PCDHB1: variants seen among roughly 807,000 people sequenced by gnomAD.
PCDHB1 encodes protocadherin beta-1.
In PCDHB1, 44 loss-of-function variants were observed where a neutral mutation model predicts 43.5. The ratio of observed to expected loss-of-function variants is 1.01; its 90% CI spans 0.79 to 1.30. The LOEUF (loss-of-function observed/expected upper bound fraction) is 1.30. Ranked by LOEUF, PCDHB1 falls within the 50% of genes most tolerant of loss-of-function variation. The pLI, the probability that PCDHB1 is intolerant of heterozygous loss-of-function variation, is 0.00. For synonymous variants in PCDHB1, 392 were observed against 400.8 expected, an observed-to-expected ratio of 0.98 and a Z score of 0.26; for missense variants, 919 against 1,008.9, an observed-to-expected ratio of 0.91 and a Z score of 1.21.
At position 141,051,864 on chromosome 5, in the gene PCDHB1, G is replaced by A; in HGVS notation, c.394G>A (p.Val132Ile). ...RVFDINDNAP[V>I]FLNKEPLLKI... ...ATTTGATATCAATGACAATGCCCCA[G>A]TTTTCCTAAACAAGGAGCCGCTTTT... Residue 132 changes from valine to isoleucine, a missense_variant, in exon 1 of 1, where the codon GTT becomes ATT. Physicochemically the swap from Val to Ile is conservative, Grantham distance 29 (BLOSUM62 3). Coordinates refer to ENST00000306549, the MANE Select transcript of PCDHB1 (RefSeq NM_013340.4). 6.2e-7 allele frequency: 1 copy of A among 1,614,206 alleles called. No individual in the cohort carries two copies. The highest frequency in any genetic ancestry group is 8.5e-7 in the Non-Finnish European group (1 of 1,180,030).
chr5:141,054,746 T>G lies in PCDHB1; in HGVS notation c.*819T>G, dbSNP rs1420103247. The G allele has an allele frequency of 3.0e-5, 4 of 134,692 alleles. No homozygotes were observed. Among genetic ancestry groups the G allele is most frequent in the African/African-American group, 1.1e-4 (4 of 34,832 alleles). 8.3% of individuals were successfully genotyped at this position (134,692 alleles called of 1,614,324 possible). A position where few individuals can be genotyped will look rare whatever the true frequency, so the allele number is the denominator to read the frequency against. ...TTTTCTCTTGTTGCCCAGACTGGAG[T>G]GCAATGGCACGATCTCGGCTCACTG... On this transcript the variant is annotated 3_prime_UTR_variant, in exon 1 of 1. Coordinates refer to ENST00000306549, the MANE Select transcript of PCDHB1 (RefSeq NM_013340.4).
In PCDHB1 at chr5:141,056,580, A is replaced by G. The variant is rs1751137347; in HGVS notation, c.*2653A>G. ...ATGCTGAAATTTCTATTTCCTTTAAATGAAAAAGGAGATAGAATTTTTATT... is the reference window on the plus strand; with the variant it reads ...ATGCTGAAATTTCTATTTCCTTTAAGTGAAAAAGGAGATAGAATTTTTATT... On this transcript the variant is annotated 3_prime_UTR_variant, in exon 1 of 1. Coordinates refer to ENST00000306549, the MANE Select transcript of PCDHB1 (RefSeq NM_013340.4). 6.6e-6 allele frequency: 1 copy of G among 152,128 alleles called. No homozygotes were observed. The highest frequency in any genetic ancestry group is 2.4e-5 in the African/African-American group (1 of 41,430). The allele number at this position is 152,128 out of a possible 1,614,324, so 9.4% of individuals were successfully genotyped here. A position where few individuals can be genotyped will look rare whatever the true frequency, so the allele number is the denominator to read the frequency against.
chr5:141,052,032 G>C lies in PCDHB1; in HGVS notation c.562G>C (p.Gly188Arg), dbSNP rs1393387353. 13 of 1,613,998 alleles carry C rather than the reference G, an allele frequency of 8.1e-6. No homozygotes were observed. Among genetic ancestry groups the C allele is most frequent in the Non-Finnish European group, 1.0e-5 (12 of 1,180,032 alleles). The change falls in exon 1 of 1, where the codon GGG becomes CGG. Residue 188 changes from glycine to arginine, a missense_variant. Transcript: ENST00000306549. ...FHLHTRFCSHGPKYAELVLNK... is the reference protein window; with the variant it reads ...FHLHTRFCSHRPKYAELVLNK... ...CCTGCACACCCGCTTCTGCAGCCAC[G>C]GGCCTAAATATGCTGAGCTGGTGCT... is the stretch of plus-strand genomic sequence containing the variant.
chr5:141,051,559 C>T lies in PCDHB1; in HGVS notation c.89C>T (p.Thr30Ile), dbSNP rs1750967846. Residue 30 changes from threonine (T) to isoleucine (I), a missense_variant, in exon 1 of 1, where the codon ACT (threonine) becomes ATT (isoleucine). Physicochemically the swap from Thr to Ile is moderately conservative, Grantham distance 89. Coordinates refer to ENST00000306549, the MANE Select transcript of PCDHB1 (RefSeq NM_013340.4). ...FLCISVGDAT[T>I]IRYSVAEEME... ...TGCATATCTGTGGGGGATGCGACAA[C>T]TATCCGCTATTCAGTGGCAGAGGAA... 4 of 1,614,236 alleles carry T rather than the reference C, an allele frequency of 2.5e-6. No individual in the cohort carries two copies. In the African/African-American group the frequency reaches 5.3e-5, roughly 22 times the overall value.
chr5:141,051,683 C>T lies in PCDHB1; in HGVS notation c.213C>T (p.Asn71=), dbSNP rs782194168. ...GGGCGCGGCTGGTTTCCGAGGGCAA[C>T]AAAATGCATTTCCGGCTCCACCGCA... ...ARGARLVSEG[N]KMHFRLHRKT... is the part of the protein sequence containing the mutation. The change falls in exon 1 of 1, where the codon AAC becomes AAT. Residue 71 remains asparagine (N), a synonymous_variant. Transcript: ENST00000306549. The T allele has an allele frequency of 1.2e-6, 2 of 1,614,110 alleles. No homozygotes were observed. The highest frequency in any genetic ancestry group is 1.7e-6 in the Non-Finnish European group (2 of 1,180,012).
rs782092387 is a variant in PCDHB1 at position 141,054,684 on chromosome 5, GTTTTTTTTTTTTTTTT to G, written c.*768_*783del. On this transcript the variant is annotated 3_prime_UTR_variant, in exon 1 of 1. Coordinates refer to ENST00000306549, the MANE Select transcript of PCDHB1 (RefSeq NM_013340.4). Reference sequence around the variant, plus strand: ...CTCCAAAATTAAATTAGATGTAGTTGTTTTTTTTTTTTTTTTTTTTTTTTTTGAGACGGAGTTTTTC... The same window carrying G: ...CTCCAAAATTAAATTAGATGTAGTTGTTTTTTTTTTGAGACGGAGTTTTTC... The G allele has an allele frequency of 1.5e-5, 1 of 68,862 alleles. No individual in the cohort carries two copies. The highest frequency in any genetic ancestry group is 6.7e-4 in the South Asian group (1 of 1,482). The allele number at this position is 68,862 out of a possible 1,614,324, so 4.3% of individuals were successfully genotyped here.
chr5:141,052,236 C>T lies in PCDHB1; in HGVS notation c.766C>T (p.Pro256Ser). Residue 256 changes from proline to serine, a missense_variant, in exon 1 of 1, where the codon CCC becomes TCC. Transcript: ENST00000306549. ...CAGAGCCCAGGTATCAGAGAACAGCCCCAATGGCTCTTTGGTGGCCACGGT... is the reference window on the plus strand; with the variant it reads ...CAGAGCCCAGGTATCAGAGAACAGCTCCAATGGCTCTTTGGTGGCCACGGT... Reference protein sequence around the residue: ...VYRAQVSENSPNGSLVATVTA... With the variant: ...VYRAQVSENSSNGSLVATVTA... The T allele has an allele frequency of 6.2e-7, 1 of 1,614,152 alleles. No individual in the cohort carries two copies. Among genetic ancestry groups the T allele is most frequent in the Non-Finnish European group, 8.5e-7 (1 of 1,180,024 alleles).
chr5:141,055,558 T>TA lies in PCDHB1; in HGVS notation c.*1632dup, dbSNP rs1271885329. The TA allele has an allele frequency of 6.6e-6, 1 of 152,260 alleles. No individual in the cohort carries two copies. Among genetic ancestry groups the TA allele is most frequent in the Non-Finnish European group, 1.5e-5 (1 of 68,040 alleles). 9.4% of individuals were successfully genotyped at this position (152,260 alleles called of 1,614,324 possible). ...TTATTGTAAACCATTTTGTAGTTTGTAGAGCAAATATAAAATAAAAAGACA... is the reference window on the plus strand; with the variant it reads ...TTATTGTAAACCATTTTGTAGTTTGTAAGAGCAAATATAAAATAAAAAGACA... On this transcript the variant is annotated 3_prime_UTR_variant, in exon 1 of 1. Transcript: ENST00000306549.
rs1444629236 is a variant in PCDHB1, at chr5:141,058,186, T to C, written c.*4259T>C. ...CAAATTTAACAGTTTTCCCCCAATG[T>C]CCTTTTTCTATTCAAGGATCCAATC... On this transcript the variant is annotated 3_prime_UTR_variant, in exon 1 of 1. Coordinates refer to ENST00000306549, the MANE Select transcript of PCDHB1 (RefSeq NM_013340.4). 2 of 152,302 alleles carry C rather than the reference T, an allele frequency of 1.3e-5. No homozygotes were observed. The highest frequency in any genetic ancestry group is 3.9e-4 in the East Asian group (2 of 5,186). 9.4% of individuals were successfully genotyped at this position (152,302 alleles called of 1,614,324 possible). A position where few individuals can be genotyped will look rare whatever the true frequency, so the allele number is the denominator to read the frequency against.
Position 141,051,913 on chromosome 5 carries a change from T to A in PCDHB1, c.443T>A (p.Leu148Ter). ...PLLKIPESTPLGSRFPLQSAQ... is the reference protein window; with the variant it reads ...PLLKIPESTP ...TTAAAGATTCCGGAGAGCACCCCTT[T>A]GGGTTCACGTTTTCCTCTGCAGAGC... is the stretch of plus-strand genomic sequence containing the variant. The change falls in exon 1 of 1, where the codon TTG (leucine) becomes TAG (stop). Residue 148 changes from leucine (L) to a stop codon, truncating the protein, a stop_gained. Transcript: ENST00000306549. LOFTEE classifies it high-confidence loss of function. 1.9e-6 allele frequency: 3 copies of A among 1,614,178 alleles called. No homozygotes were observed. The East Asian group carries it at 6.7e-5, about 36-fold the overall frequency.
At position 141,058,979 on chromosome 5, in the gene PCDHB1, T is replaced by A. The variant is rs1472173094; in HGVS notation, c.*5052T>A. 1 of 152,174 alleles carries A rather than the reference T, an allele frequency of 6.6e-6. No homozygotes were observed. The highest frequency in any genetic ancestry group is 1.5e-5 in the Non-Finnish European group (1 of 67,994). The allele number at this position is 152,174 out of a possible 1,614,324, so 9.4% of individuals were successfully genotyped here. A position where few individuals can be genotyped will look rare whatever the true frequency, so the allele number is the denominator to read the frequency against. ...TTTATCTGAGATGAAGAGCAGATTTTTAAGACTGGAATTATCCATATAGAA... is the reference window on the plus strand; with the variant it reads ...TTTATCTGAGATGAAGAGCAGATTTATAAGACTGGAATTATCCATATAGAA... On this transcript the variant is annotated 3_prime_UTR_variant, in exon 1 of 1. Transcript: ENST00000306549.
In PCDHB1 at chr5:141,053,759, T is replaced by C. The variant is rs782797033; in HGVS notation, c.2289T>C (p.Thr763=). 2.5e-6 allele frequency: 4 copies of C among 1,614,218 alleles called. No individual in the cohort carries two copies. The East Asian group carries it at 8.9e-5, about 36-fold the overall frequency. The change falls in exon 1 of 1, where the codon ACT becomes ACC. Residue 763 remains threonine (T), a synonymous_variant. Coordinates refer to ENST00000306549, the MANE Select transcript of PCDHB1 (RefSeq NM_013340.4). ...CPYEMCSATG[T]GNSEFRFLKR... is the part of the protein sequence containing the mutation. ...ATGAAATGTGTTCAGCCACTGGCACTGGTAATAGTGAGTTTCGCTTTCTTA... is the reference window on the plus strand; with the variant it reads ...ATGAAATGTGTTCAGCCACTGGCACCGGTAATAGTGAGTTTCGCTTTCTTA...
rs1554267223 is a variant in PCDHB1, at chr5:141,052,370, A to C, written c.900A>C (p.Glu300Asp). The change falls in exon 1 of 1, where the codon GAA becomes GAC. Residue 300 changes from glutamate to aspartate, a missense_variant. Coordinates refer to ENST00000306549, the MANE Select transcript of PCDHB1 (RefSeq NM_013340.4). ...TTCAGATTGACCCTCAAAATGGAGA[A>C]GTTCGACTAAGAGGACCCCTCGATT... The part of the protein sequence containing the change: ...KTFQIDPQNG[E>D]VRLRGPLDFE... 1 of 1,614,248 alleles carries C rather than the reference A, an allele frequency of 6.2e-7. No homozygotes were observed.
At position 141,051,683 on chromosome 5, in the gene PCDHB1, C is replaced by A; in HGVS notation, c.213C>A (p.Asn71Lys). 6.2e-7 allele frequency: 1 copy of A among 1,614,110 alleles called. No individual in the cohort carries two copies. The highest frequency in any genetic ancestry group is 8.5e-7 in the Non-Finnish European group (1 of 1,180,012). ...GGGCGCGGCTGGTTTCCGAGGGCAA[C>A]AAAATGCATTTCCGGCTCCACCGCA... ...ARGARLVSEG[N>K]KMHFRLHRKT... Residue 71 changes from asparagine (N) to lysine (K), a missense_variant, in exon 1 of 1, where the codon AAC becomes AAA. Asn to Lys is a moderately conservative substitution (Grantham distance 94). Coordinates refer to ENST00000306549, the MANE Select transcript of PCDHB1 (RefSeq NM_013340.4).
Position 141,057,196 on chromosome 5 carries a change from C to T in PCDHB1, c.*3269C>T, listed in dbSNP as rs1365189312. 1.3e-5 allele frequency: 2 copies of T among 152,060 alleles called. No homozygotes were observed. The highest frequency in any genetic ancestry group is 2.9e-5 in the Non-Finnish European group (2 of 68,002). 9.4% of individuals were successfully genotyped at this position (152,060 alleles called of 1,614,324 possible). ...TTTTTCACATTAAATGAGATAAAAT[C>T]TACCACTTCACGCCACCATTATTCC... On this transcript the variant is annotated 3_prime_UTR_variant, in exon 1 of 1. Transcript: ENST00000306549.
Position 141,053,805 on chromosome 5 carries a change from C to A in PCDHB1, c.2335C>A (p.Pro779Thr), listed in dbSNP as rs782173555. ...RFLKRFMPNF[P>T]FPHATGEIKM... ...TCTTAAGCGTTTTATGCCCAACTTC[C>A]CTTTCCCTCATGCCACTGGGGAGAT... Residue 779 changes from proline (P) to threonine (T), a missense_variant, in exon 1 of 1, where the codon CCT (proline) becomes ACT (threonine). By Grantham distance (38) the Pro-to-Thr change is conservative (BLOSUM62 -1). Coordinates refer to ENST00000306549, the MANE Select transcript of PCDHB1 (RefSeq NM_013340.4). 1 of 1,614,156 alleles carries A rather than the reference C, an allele frequency of 6.2e-7. No individual in the cohort carries two copies. Among genetic ancestry groups the A allele is most frequent in the South Asian group, 1.1e-5 (1 of 91,086 alleles).
chr5:141,051,918 T>G lies in PCDHB1; in HGVS notation c.448T>G (p.Ser150Ala), dbSNP rs782466746. The stretch of plus-strand genomic sequence containing the variant: ...GATTCCGGAGAGCACCCCTTTGGGT[T>G]CACGTTTTCCTCTGCAGAGCGCCCA... ...LKIPESTPLG[S>A]RFPLQSAQDL... Residue 150 changes from serine to alanine, a missense_variant, in exon 1 of 1, where the codon TCA becomes GCA. By Grantham distance (99) the Ser-to-Ala change is moderately conservative (BLOSUM62 1). Coordinates refer to ENST00000306549, the MANE Select transcript of PCDHB1 (RefSeq NM_013340.4). The G allele has an allele frequency of 4.3e-6, 7 of 1,614,026 alleles. No individual in the cohort carries two copies. In the Admixed American group the frequency reaches 1.2e-4, roughly 27 times the overall value.
Position 141,052,840 on chromosome 5 carries a change from A to G in PCDHB1, c.1370A>G (p.Tyr457Cys), listed in dbSNP as rs577378110. The change falls in exon 1 of 1, where the codon TAT (tyrosine) becomes TGT (cysteine). Residue 457 changes from tyrosine to cysteine, a missense_variant. Transcript: ENST00000306549. The stretch of plus-strand genomic sequence containing the variant: ...CCTCCAATATTTCGGGAAGATTCCT[A>G]TATCTTGACTGTTCGAGAAAACAAC... ...DNPPIFREDS[Y>C]ILTVRENNSP... 8.1e-6 allele frequency: 13 copies of G among 1,614,186 alleles called. No homozygotes were observed. The highest frequency in any genetic ancestry group is 6.6e-5 in the South Asian group (6 of 91,084).
At position 141,053,307 on chromosome 5, in the gene PCDHB1, C is replaced by T; in HGVS notation, c.1837C>T (p.Leu613Phe). The change falls in exon 1 of 1, where the codon CTT (leucine) becomes TTT (phenylalanine). Residue 613 changes from leucine to phenylalanine, a missense_variant. Physicochemically the swap from Leu to Phe is conservative, Grantham distance 22. Transcript: ENST00000306549. ...LSYHLLKATD[L>F]GLFSVQRQNG... ...ATATCATCTACTTAAGGCCACTGAC[C>T]TTGGGTTATTTTCTGTTCAAAGACA... is the stretch of plus-strand genomic sequence containing the variant. 6.2e-7 allele frequency: 1 copy of T among 1,614,186 alleles called. No homozygotes were observed. The highest frequency in any genetic ancestry group is 8.5e-7 in the Non-Finnish European group (1 of 1,180,030).
Sources: allele counts gnomAD v4.1 joint callset, GRCh38; gene constraint gnomAD v4.1.1; transcripts MANE v1.5; gene names NCBI Gene and HGNC (gene_info 2026-07-23, HGNC 2026-07-21).